Variants in PDE1C observed in about 807,000 individuals in gnomAD.
The protein encoded by PDE1C is phosphodiesterase 1C.
PDE1C carries 62 observed loss-of-function variants against 93.1 expected under a neutral mutation model. The observed-to-expected ratio is 0.67, with a 90% CI of 0.54 to 0.82. The LOEUF (loss-of-function observed/expected upper bound fraction) is 0.82, where lower values mean the gene tolerates loss of function less well. Among genes scored for constraint, PDE1C ranks in the 40% least tolerant of loss-of-function variants. PDE1C has a pLI of 0.00. For synonymous variants in PDE1C, 325 were observed against 310.1 expected, an observed-to-expected ratio of 1.05 and a Z score of -0.50; for missense variants, 742 against 884.6, an observed-to-expected ratio of 0.84 and a Z score of 2.04.
chr7:31,852,113 C>T (rs118141083), intron 7 of PDE1C, among the ~76,000 whole-genome samples: 2,464 of 152,264 alleles, frequency 0.016, 19 homozygotes, highest in African/African-American at 0.02. Flanking sequence ...TCTAATTTCC[C>T]ACTTAAGCCA....
At chr7:31,738,636 G>A in the PDE1C span, among the ~76,000 whole-genome samples, 224 of 152,292 alleles carry the variant, frequency 1.5e-3, no homozygotes, top group African/African-American at 5.2e-3. Flanking sequence ...ATCCCAGGGG[G>A]CATAATTCCC....
the PDE1C span, among the ~76,000 whole-genome samples, chr7:31,716,409 T>TA: frequency 6.6e-6 from 1 of 152,202 alleles, no homozygotes. Flanking sequence ...GCTATTACCA[T>TA]GATTTAGTTA....
At chr7:32,270,483 C>G (rs1810886700) in intron 1 of PDE1C, among the ~76,000 whole-genome samples, 1 of 152,056 alleles carries the variant, frequency 6.6e-6, no homozygotes, top group Non-Finnish European at 1.5e-5. Flanking sequence ...CAAATGTGAC[C>G]ACTCCACCCA....
intron 1 of PDE1C, among the ~76,000 whole-genome samples, chr7:32,336,946 G>A (rs577620822): frequency 2.0e-4 from 30 of 152,258 alleles, no homozygotes; most frequent in Non-Finnish European, 3.8e-4. Flanking sequence ...CCACATCATT[G>A]AAGCATACTT....
chr7:31,731,112 G>A, the PDE1C span, among the ~76,000 whole-genome samples: 2 of 152,028 alleles, frequency 1.3e-5, no homozygotes, highest in African/African-American at 4.8e-5. Flanking sequence ...ATGTTATCAT[G>A]AGAAGGAATG....
intron 6 of PDE1C, among the ~76,000 whole-genome samples, chr7:31,871,340 C>T (rs1349845652): frequency 6.6e-6 from 1 of 151,780 alleles, no homozygotes; most frequent in East Asian, 1.9e-4. Context: ...CTCAAAAACA[C>T]AGGCAATAAA....
chr7:32,272,761 C>T (rs948468866), intron 1 of PDE1C, among the ~76,000 whole-genome samples: 9 of 152,168 alleles, frequency 5.9e-5, no homozygotes, highest in African/African-American at 9.7e-5. Flanking sequence ...GTGCATGTGA[C>T]CCAGTTCTAG....
chr7:32,175,692 T>C (rs1802940681), intron 2 of PDE1C, among the ~76,000 whole-genome samples: 1 of 152,186 alleles, frequency 6.6e-6, no homozygotes, highest in Non-Finnish European at 1.5e-5. Context: ...CTCTCCTTAA[T>C]CCCCTCCATA....
At chr7:31,891,695 A>G (rs1798656626) in intron 2 of PDE1C, among the ~76,000 whole-genome samples, 1 of 152,068 alleles carries the variant, frequency 6.6e-6, no homozygotes. Flanking sequence ...AGACACGTGT[A>G]AGAAGGGCAA....
chr7:32,256,560 C>G (rs1484668414), intron 1 of PDE1C, among the ~76,000 whole-genome samples: 1 of 152,346 alleles, frequency 6.6e-6, no homozygotes, highest in Middle Eastern at 3.4e-3. Flanking sequence ...AACATCTCTA[C>G]CAGCCTAGCC....
chr7:32,288,951 GA>G lies in PDE1C; in HGVS notation c.85+9699del, dbSNP rs201444312. On this transcript the variant is annotated intron_variant, in intron 1 of 18. Coordinates refer to the PDE1C transcript ENST00000396193. ...TACCTTCAGGTTTGGCATGAACTAG[GA>G]AGAAGAAAAGGGAAGGGGAAGGAGT... 3.5e-3 allele frequency among the ~76,000 whole-genome samples: 537 copies of G among 152,288 alleles called. 1 individual carries two copies. The highest frequency in any genetic ancestry group is 0.012 in the African/African-American group (508 of 41,564).
At chr7:32,107,781 G>A (rs1798406246) in intron 3 of PDE1C, among the ~76,000 whole-genome samples, 1 of 152,044 alleles carries the variant, frequency 6.6e-6, no homozygotes, top group South Asian at 2.1e-4. Context: ...TCAAATAAAA[G>A]TTTGTTAAAA....
intron 1 of PDE1C, among the ~76,000 whole-genome samples, chr7:32,308,240 A>C (rs546537045): frequency 2.0e-5 from 3 of 152,006 alleles, no homozygotes; most frequent in South Asian, 2.1e-4. Context: ...CGGGAAGCTC[A>C]AACTGGGTGG....
At chr7:32,384,233 T>C (rs1482976207) in intron 1 of PDE1C, among the ~76,000 whole-genome samples, 1 of 152,190 alleles carries the variant, frequency 6.6e-6, no homozygotes, top group Non-Finnish European at 1.5e-5. Context: ...AAACATGGTT[T>C]CAGTCCACAC....
chr7:31,992,532 G>A lies in PDE1C; in HGVS notation c.128+59022C>T, dbSNP rs534050534. Among the ~76,000 whole-genome samples the A allele has an allele frequency of 1.5e-4, 23 of 152,312 alleles. No homozygotes were observed. The South Asian group carries it at 2.3e-3, about 15-fold the overall frequency. ...AGTGGGATGTAAGCCAGGGAAATGTGAATTCCCTTGATGTGGTTCATGTTG... is the reference window on the plus strand; with the variant it reads ...AGTGGGATGTAAGCCAGGGAAATGTAAATTCCCTTGATGTGGTTCATGTTG... On this transcript the variant is annotated intron_variant, in intron 2 of 17. Transcript: ENST00000396191.
At chr7:32,279,878 A>G (rs191970475) in intron 1 of PDE1C, among the ~76,000 whole-genome samples, 7 of 152,302 alleles carry the variant, frequency 4.6e-5, no homozygotes, top group African/African-American at 1.4e-4. Context: ...AAAAGTGTAA[A>G]CATTTTGAAC....
intron 1 of PDE1C, among the ~76,000 whole-genome samples, chr7:32,374,373 A>C (rs964935994): frequency 2.0e-5 from 3 of 152,250 alleles, no homozygotes; most frequent in Non-Finnish European, 4.4e-5. Flanking sequence ...TCATTTGATC[A>C]ATATAGTATG....
intron 17 of PDE1C, among the ~76,000 whole-genome samples, chr7:31,756,845 A>G (rs552453164): frequency 2.3e-4 from 35 of 152,238 alleles, no homozygotes; most frequent in African/African-American, 8.4e-4. Flanking sequence ...AGCCAGTTGA[A>G]CCCTTGCTCA....
the PDE1C span, among the ~76,000 whole-genome samples, chr7:31,674,733 T>TA: frequency 6.6e-6 from 1 of 152,118 alleles, no homozygotes; most frequent in Non-Finnish European, 1.5e-5. Flanking sequence ...AAAAATAAAA[T>TA]AAAATAATAT....
Sources: gnomAD v4.1 joint callset for allele counts (sites outside exome capture counted in the v4.1 genomes callset) on GRCh38, gnomAD v4.1.1 for gene constraint, MANE v1.5 for transcripts, NCBI Gene and HGNC (gene_info 2026-07-23, HGNC 2026-07-21) for gene names.